Variants in HDAC8 observed in about 807,000 individuals in gnomAD.
HDAC8 encodes the protein histone deacetylase-like 1.
HDAC8 carries 1 observed loss-of-function variant against 32.2 expected under a neutral mutation model. The ratio of observed to expected loss-of-function variants is 0.03; its 90% CI spans 0.01 to 0.15. HDAC8 has a LOEUF of 0.15. Among genes scored for constraint, HDAC8 ranks in the 10% least tolerant of loss-of-function variants. The pLI is 1.00. For synonymous variants in HDAC8, 108 were observed against 113.9 expected, an observed-to-expected ratio of 0.95 and a Z score of 0.33; for missense variants, 117 against 300.0, an observed-to-expected ratio of 0.39 and a Z score of 4.51.
intron 9 of HDAC8, among the ~76,000 whole-genome samples, chrX:72,366,322 G>A (rs1468904429): frequency 2.7e-5 from 3 of 111,965 alleles, no homozygotes; most frequent in African/African-American, 9.7e-5. Flanking sequence ...CAGCCTTATC[G>A]CACACCACGA....
At chrX:72,388,358 T>A (rs149009960) in intron 9 of HDAC8, among the ~76,000 whole-genome samples, 6,390 of 109,226 alleles carry the variant, frequency 0.059, 192 homozygotes, top group Non-Finnish European at 0.089. Flanking sequence ...ACCCCACAAC[T>A]CCTCCCTCAG....
At chrX:72,549,309 C>A (rs781790541) in intron 4 of HDAC8, among the ~76,000 whole-genome samples, 2 of 109,973 alleles carry the variant, frequency 1.8e-5, no homozygotes, top group South Asian at 8.0e-4. Flanking sequence ...TTGTTCCCCC[C>A]CCGCCTTATT....
chrX:72,512,766 C>T (rs2049633575), intron 4 of HDAC8, among the ~76,000 whole-genome samples: 1 of 111,154 alleles, frequency 9.0e-6, no homozygotes, highest in Non-Finnish European at 1.9e-5. Flanking sequence ...TTAGACCTTC[C>T]TAAAGCACAA....
intron 9 of HDAC8, among the ~76,000 whole-genome samples, chrX:72,360,199 A>G (rs2044508236): frequency 9.1e-6 from 1 of 109,496 alleles, no homozygotes; most frequent in South Asian, 4.0e-4. Flanking sequence ...TACTAAAAAT[A>G]CAAAAATTAG....
At chrX:72,422,387 G>C (rs1302225879) in intron 9 of HDAC8, among the ~76,000 whole-genome samples, 7 of 109,157 alleles carry the variant, frequency 6.4e-5, no homozygotes, top group Non-Finnish European at 1.3e-4. Flanking sequence ...CCTCAGATTG[G>C]TTCATTTCAA....
chrX:72,403,686 T>C (rs953093782), intron 9 of HDAC8, among the ~76,000 whole-genome samples: 1 of 110,677 alleles, frequency 9.0e-6, no homozygotes, highest in Non-Finnish European at 1.9e-5. Context: ...AATTAGTTGG[T>C]TGTGGTGGTG....
At chrX:72,338,778 G>C (rs1488120723) in intron 10 of HDAC8, among the ~76,000 whole-genome samples, 1 of 103,225 alleles carries the variant, frequency 9.7e-6, no homozygotes, top group Non-Finnish European at 2.0e-5. Flanking sequence ...GCCAAGCCCA[G>C]TGGCTCACGC....
intron 4 of HDAC8, among the ~76,000 whole-genome samples, chrX:72,524,149 A>G (rs2050066274): frequency 8.9e-6 from 1 of 112,473 alleles, no homozygotes; most frequent in African/African-American, 3.2e-5. Flanking sequence ...TACTAGCTGG[A>G]CCATTACAGA....
chrX:72,447,788 T>A (rs1555985712), intron 9 of HDAC8, among the ~76,000 whole-genome samples: 1 of 111,219 alleles, frequency 9.0e-6, no homozygotes, highest in African/African-American at 3.3e-5. Context: ...TTCCTATACA[T>A]CAACAACAGA....
intron 9 of HDAC8, among the ~76,000 whole-genome samples, chrX:72,382,961 G>T (rs1363111746): frequency 1.8e-5 from 2 of 112,043 alleles, no homozygotes; most frequent in African/African-American, 3.2e-5. Context: ...CCCTAAAAAA[G>T]CTCCCATAGA....
At chrX:72,379,484 T>C (rs1921172471) in intron 9 of HDAC8, among the ~76,000 whole-genome samples, 1 of 106,348 alleles carries the variant, frequency 9.4e-6, no homozygotes, top group Non-Finnish European at 1.9e-5. Context: ...TGTTTATTTG[T>C]TTAGTGTTTT....
At chrX:72,462,252 C>A in intron 8 of HDAC8, 154 bp from the exon 9 acceptor site, 2 of 453,996 alleles carry the variant, frequency 4.4e-6, no homozygotes, top group Non-Finnish European at 7.6e-6. Flanking sequence ...ATTTTTAAAC[C>A]ACCTAGTAGG....
intron 8 of HDAC8, 76 bp from the exon 9 acceptor site, chrX:72,462,174 G>A: frequency 1.3e-6 from 1 of 781,074 alleles, no homozygotes; most frequent in Non-Finnish European, 1.9e-6. Context: ...GGTAAGGAAA[G>A]AGAGAAAAAT....
intron 7 of HDAC8, among the ~76,000 whole-genome samples, chrX:72,482,829 A>G (rs997714202): frequency 8.9e-6 from 1 of 111,981 alleles, no homozygotes; most frequent in Non-Finnish European, 1.9e-5. Flanking sequence ...CAGTTTTCTC[A>G]TATCTCATGA....
At chrX:72,388,021 C>A (rs1476149631) in intron 9 of HDAC8, among the ~76,000 whole-genome samples, 1 of 110,352 alleles carries the variant, frequency 9.1e-6, no homozygotes, top group African/African-American at 3.3e-5. Flanking sequence ...AGTAGGACTT[C>A]ATCCAGCAGG....
intron 9 of HDAC8, among the ~76,000 whole-genome samples, chrX:72,456,191 T>G (rs1255819342): frequency 8.9e-6 from 1 of 111,935 alleles, no homozygotes; most frequent in African/African-American, 3.2e-5. Context: ...AACAATGACA[T>G]TTTTCTTAAG....
In HDAC8 at chrX:72,425,867, C is replaced by T. The variant is rs782233276; in HGVS notation, c.1005+36137G>A. Among the ~76,000 whole-genome samples the T allele has an allele frequency of 1.1e-4, 12 of 111,720 alleles. No individual in the cohort carries two copies. The South Asian group carries it at 4.6e-3, about 42-fold the overall frequency. ...ATGCAATGTTCCTTTCTGAAATGTC[C>T]TTCCTCTTGAGTACTTTTAAAGATT... On this transcript the variant is annotated intron_variant, in intron 9 of 10. Coordinates refer to ENST00000373573, the MANE Select transcript of HDAC8 (RefSeq NM_018486.3).
chrX:72,431,769 A>G (rs1555977545), intron 9 of HDAC8, among the ~76,000 whole-genome samples: 1 of 111,832 alleles, frequency 8.9e-6, no homozygotes, highest in East Asian at 2.8e-4. Flanking sequence ...ACATCTCAGC[A>G]TTCTCTCCAT....
At chrX:72,432,846 C>T (rs1052711135) in intron 9 of HDAC8, among the ~76,000 whole-genome samples, 6 of 111,752 alleles carry the variant, frequency 5.4e-5, no homozygotes, top group Non-Finnish European at 1.1e-4. Flanking sequence ...GTGTCTGGCA[C>T]ATTGTTAGTA....
Sources: allele counts gnomAD v4.1 joint callset (sites outside exome capture counted in the v4.1 genomes callset), GRCh38; gene constraint gnomAD v4.1.1; transcripts MANE v1.5; gene names NCBI Gene and HGNC (gene_info 2026-07-23, HGNC 2026-07-21).